Variants in DIP2B observed in about 807,000 individuals in gnomAD.
The protein encoded by DIP2B is DIP2 acetate--CoA ligase B (putative), also known as disco-interacting protein 2 homolog B.
In DIP2B, 76 loss-of-function variants were observed where a neutral mutation model predicts 198.0. That is an observed-to-expected ratio of 0.38 (90% CI 0.32 to 0.46). The LOEUF is 0.46. Ranked by LOEUF, DIP2B falls within the 20% of genes least tolerant of loss-of-function variation. The pLI is 0.99. For missense variants in DIP2B, 1,559 were observed against 1,978.4 expected (o/e 0.79, Z 4.02); for synonymous variants, 701 against 739.1 (o/e 0.95, Z 0.84).
intron 1 of DIP2B, among the ~76,000 whole-genome samples, chr12:50,526,476 A>G (rs147384874): frequency 6.6e-6 from 1 of 152,014 alleles, no homozygotes. Context: ...GGTATTTATT[A>G]TGCAAATACT....
intron 10 of DIP2B, among the ~76,000 whole-genome samples, chr12:50,685,073 CAGAG>C (rs961725983): frequency 3.3e-5 from 5 of 152,074 alleles, no homozygotes; most frequent in African/African-American, 1.2e-4. Flanking sequence ...GGTTGGGTGA[CAGAG>C]AGAGGCTCCA....
rs1939785639 is a variant in DIP2B, at chr12:50,719,009, G to C, written c.3016G>C (p.Val1006Leu). 2 of 1,614,164 alleles carry C rather than the reference G, an allele frequency of 1.2e-6. No homozygotes were observed. The highest frequency in any genetic ancestry group is 2.7e-5 in the African/African-American group (2 of 75,042). ...GCGAGCCCAGGCGACTCCTGACCATGTACTCTTCATGCTGTTAAATGCCAA... is the reference window on the plus strand; with the variant it reads ...GCGAGCCCAGGCGACTCCTGACCATCTACTCTTCATGCTGTTAAATGCCAA... ...QWRAQATPDH[V>L]LFMLLNAKGT... The change falls in exon 25 of 38, where the codon GTA becomes CTA. Residue 1006 changes from valine to leucine, a missense_variant. By Grantham distance (32) the Val-to-Leu change is conservative. Transcript: ENST00000301180.
At position 50,599,615 on chromosome 12, in the gene DIP2B, C is replaced by CA. The variant is rs551333252; in HGVS notation, c.101-26354dup. 2.7e-5 allele frequency among the ~76,000 whole-genome samples: 4 copies of CA among 150,804 alleles called. No homozygotes were observed. The East Asian group carries it at 6.0e-4, about 23-fold the overall frequency. On this transcript the variant is annotated intron_variant, in intron 1 of 37. Transcript: ENST00000301180. ...TGGGCAACAGCGCAAGACTCAGTCT[C>CA]AAAAAAACAAAAAACAAAACAAAAA... is the stretch of plus-strand genomic sequence containing the variant.
chr12:50,737,065 T>C lies in DIP2B; in HGVS notation c.4131T>C (p.Val1377=). 1 of 1,614,124 alleles carries C rather than the reference T, an allele frequency of 6.2e-7. No individual in the cohort carries two copies. Among genetic ancestry groups the C allele is most frequent in the Non-Finnish European group, 8.5e-7 (1 of 1,179,998 alleles). ...TACCTGGAGTGAAAGTGGTTATTGTTAATCCTGAGACCAAAGGGCCGGTTG... is the reference window on the plus strand; with the variant it reads ...TACCTGGAGTGAAAGTGGTTATTGTCAATCCTGAGACCAAAGGGCCGGTTG... ...KILPGVKVVI[V]NPETKGPVGD... Residue 1377 remains valine (V), a synonymous_variant, in exon 35 of 38, where the codon GTT becomes GTC. Coordinates refer to ENST00000301180, the MANE Select transcript of DIP2B (RefSeq NM_173602.3).
intron 1 of DIP2B, among the ~76,000 whole-genome samples, chr12:50,567,484 T>C (rs1359068022): frequency 6.6e-6 from 1 of 152,204 alleles, no homozygotes; most frequent in Non-Finnish European, 1.5e-5. Context: ...TTTCAGAGTG[T>C]TTACCTTTAC....
Position 50,613,574 on chromosome 12 carries a change from T to C in DIP2B, c.101-12402T>C, listed in dbSNP as rs183172603. Among the ~76,000 whole-genome samples the C allele has an allele frequency of 1.4e-4, 22 of 152,286 alleles. 1 individual carries two copies. The highest frequency in any genetic ancestry group is 4.8e-4 in the African/African-American group (20 of 41,568). On this transcript the variant is annotated intron_variant, in intron 1 of 37. Transcript: ENST00000301180. ...TCCTGACAAACACAGAAAATGATAA[T>C]ATTTGTTCAATACAGTGGGGTAAAA...
In DIP2B at chr12:50,695,307, CTG is replaced by C; in HGVS notation, c.1762_1763del (p.Val588TyrfsTer52). 1 of 1,614,056 alleles carries C rather than the reference CTG, an allele frequency of 6.2e-7. No homozygotes were observed. Among genetic ancestry groups the C allele is most frequent in the Non-Finnish European group, 8.5e-7 (1 of 1,179,968 alleles). ...ATGCACACAATCAGCGTACCCTACT[CTG>C]TTATGAAAACCTGTCCTCTCTCTTG... On this transcript the variant is annotated frameshift_variant, in exon 15 of 38. Coordinates refer to ENST00000301180, the MANE Select transcript of DIP2B (RefSeq NM_173602.3). LOFTEE classifies it high-confidence loss of function.
At chr12:50,703,036 C>T (rs1939449727) in intron 19 of DIP2B, among the ~76,000 whole-genome samples, 2 of 151,888 alleles carry the variant, frequency 1.3e-5, no homozygotes, top group South Asian at 4.2e-4. Context: ...TACCTCTGGA[C>T]AATGTAGCGA....
In DIP2B at chr12:50,628,322, G is replaced by A. The variant is rs149072574; in HGVS notation, c.172+2275G>A. On this transcript the variant is annotated intron_variant, in intron 2 of 37. Coordinates refer to ENST00000301180, the MANE Select transcript of DIP2B (RefSeq NM_173602.3). ...GGAGGCAAAGGTTGCAGTGAAGCAA[G>A]ATCATGCCACTGTACTCCAGCCTAG... 3.9e-4 allele frequency among the ~76,000 whole-genome samples: 59 copies of A among 152,210 alleles called. No homozygotes were observed. In the East Asian group the frequency reaches 0.01, roughly 26 times the overall value.
intron 3 of DIP2B, among the ~76,000 whole-genome samples, chr12:50,654,717 C>T (rs1413477907): frequency 6.6e-6 from 1 of 152,108 alleles, no homozygotes; most frequent in East Asian, 1.9e-4. Flanking sequence ...GTGACATGAA[C>T]ATTCACTTCA....
At chr12:50,650,642 T>G (rs917720269) in intron 3 of DIP2B, among the ~76,000 whole-genome samples, 1 of 152,230 alleles carries the variant, frequency 6.6e-6, no homozygotes, top group Non-Finnish European at 1.5e-5. Context: ...TGGGATTCCC[T>G]TATTTTTTTA....
chr12:50,658,357 G>C (rs548830271), intron 3 of DIP2B, among the ~76,000 whole-genome samples: 2 of 152,064 alleles, frequency 1.3e-5, no homozygotes, highest in Non-Finnish European at 2.9e-5. Context: ...GGCTGGTCTT[G>C]AACTCCTGAC....
intron 1 of DIP2B, among the ~76,000 whole-genome samples, chr12:50,576,436 G>T (rs1264605853): frequency 6.6e-6 from 1 of 151,190 alleles, no homozygotes; most frequent in African/African-American, 2.4e-5. Flanking sequence ...GACCACATGT[G>T]GTCTGCAAAG....
intron 1 of DIP2B, among the ~76,000 whole-genome samples, chr12:50,588,995 T>C (rs1035681655): frequency 6.6e-6 from 1 of 151,778 alleles, no homozygotes; most frequent in Admixed American, 6.6e-5. Flanking sequence ...CCATCCTGGC[T>C]AACACGGTGA....
chr12:50,540,528 C>T (rs1958314019), intron 1 of DIP2B, among the ~76,000 whole-genome samples: 1 of 149,328 alleles, frequency 6.7e-6, no homozygotes, highest in South Asian at 2.1e-4. Flanking sequence ...CTGGATAGGA[C>T]ATTATGATTA....
At chr12:50,593,915 T>C (rs1441785154) in intron 1 of DIP2B, among the ~76,000 whole-genome samples, 3 of 52,160 alleles carry the variant, frequency 5.8e-5, no homozygotes, top group African/African-American at 8.0e-5. Flanking sequence ...CCCTCCCCTC[T>C]CCTTTTCCTC....
chr12:50,691,802 G>A (rs1299935792), intron 13 of DIP2B, among the ~76,000 whole-genome samples: 5 of 152,212 alleles, frequency 3.3e-5, no homozygotes, highest in East Asian at 3.9e-4. Context: ...TGTGGCTCAC[G>A]CCTGTAATCC....
At chr12:50,586,184 C>A (rs75013442) in intron 1 of DIP2B, among the ~76,000 whole-genome samples, 1 of 152,124 alleles carries the variant, frequency 6.6e-6, no homozygotes, top group African/African-American at 2.4e-5. Flanking sequence ...TATAGCTATT[C>A]CTGGTTTTAC....
chr12:50,699,152 G>A lies in DIP2B; in HGVS notation c.2275G>A (p.Gly759Arg), dbSNP rs1490694866. The change falls in exon 19 of 38, where the codon GGA becomes AGA. Residue 759 changes from glycine (G) to arginine (R), a missense_variant. Transcript: ENST00000301180. ...IGEICVSSRT[G>R]GMMYFGLAGV... is the part of the protein sequence containing the mutation. ...AGAAATCTGTGTTAGCTCCAGAACT[G>A]GAGGCATGATGTACTTTGGGCTTGC... 3 of 1,614,192 alleles carry A rather than the reference G, an allele frequency of 1.9e-6. No individual in the cohort carries two copies. Among genetic ancestry groups the A allele is most frequent in the Non-Finnish European group, 2.5e-6 (3 of 1,180,034 alleles).
Sources: gnomAD v4.1 joint callset for allele counts (sites outside exome capture counted in the v4.1 genomes callset) on GRCh38, gnomAD v4.1.1 for gene constraint, MANE v1.5 for transcripts, NCBI Gene and HGNC (gene_info 2026-07-23, HGNC 2026-07-21) for gene names.